The following RHOA variants were observed in gnomAD, a reference collection of about 807,000 sequenced individuals.
RHOA encodes the protein transforming protein RhoA.
A neutral mutation model predicts 17.5 loss-of-function variants in RHOA; 3 were observed. The observed-to-expected ratio is 0.17, with a 90% CI of 0.08 to 0.44. RHOA has a LOEUF of 0.44. Ranked by LOEUF, RHOA falls within the 20% of genes least tolerant of loss-of-function variation. The probability of loss-of-function intolerance (pLI) is 0.99; values close to 1 mark genes in which losing one functional copy is unlikely to be tolerated. For missense variants in RHOA, 56 were observed against 242.3 expected, an observed-to-expected ratio of 0.23 and a Z score of 5.10; for synonymous variants, 98 against 88.4, an observed-to-expected ratio of 1.11 and a Z score of -0.61.
At chr3:49,378,552 C>T (rs977907111) in intron 1 of RHOA, among the ~76,000 whole-genome samples, 3 of 151,794 alleles carry the variant, frequency 2.0e-5, no homozygotes, top group Non-Finnish European at 2.9e-5. Context: ...CATCTATCTA[C>T]GCATCTATCC....
At chr3:49,399,545 G>T (rs1302958393) in intron 1 of RHOA, among the ~76,000 whole-genome samples, 2 of 151,298 alleles carry the variant, frequency 1.3e-5, no homozygotes, top group Admixed American at 6.6e-5. Context: ...ACTGGTATAT[G>T]TATAGACTGT....
At chr3:49,398,434 C>T (rs2048655698) in intron 1 of RHOA, among the ~76,000 whole-genome samples, 1 of 151,580 alleles carries the variant, frequency 6.6e-6, no homozygotes, top group Non-Finnish European at 1.5e-5. Context: ...ATGGAGAATA[C>T]ATAAAAGGGG....
At chr3:49,398,319 C>CT (rs1026746710) in intron 1 of RHOA, among the ~76,000 whole-genome samples, 1 of 151,804 alleles carries the variant, frequency 6.6e-6, no homozygotes, top group African/African-American at 2.4e-5. Flanking sequence ...CACCACTGCA[C>CT]TCCACCCTGG....
intron 1 of RHOA, among the ~76,000 whole-genome samples, chr3:49,391,267 G>A (rs571260738): frequency 4.0e-5 from 6 of 149,708 alleles, no homozygotes; most frequent in East Asian, 3.9e-4. Flanking sequence ...TAGTACACAC[G>A]TGTAGTTCCA....
chr3:49,409,594 TC>T, intron 1 of RHOA, among the ~76,000 whole-genome samples: 1 of 152,214 alleles, frequency 6.6e-6, no homozygotes, highest in Admixed American at 6.5e-5. Flanking sequence ...CTCTCAGCTC[TC>T]TAAGACAATT....
At chr3:49,376,551 G>A (rs1197559916) in intron 1 of RHOA, among the ~76,000 whole-genome samples, 1 of 150,458 alleles carries the variant, frequency 6.6e-6, no homozygotes, top group African/African-American at 2.4e-5. Context: ...GCTGAGGCAG[G>A]AGAATGGCGT....
intron 3 of RHOA, among the ~76,000 whole-genome samples, chr3:49,363,385 A>G (rs923520186): frequency 6.6e-6 from 1 of 151,992 alleles, no homozygotes; most frequent in Non-Finnish European, 1.5e-5. Context: ...GCGCCACTGC[A>G]CTCCTGGGCG....
At chr3:49,385,216 C>T (rs571627616) in intron 1 of RHOA, among the ~76,000 whole-genome samples, 1 of 150,994 alleles carries the variant, frequency 6.6e-6, no homozygotes. Context: ...CCATTGCCCC[C>T]CTACCTTTTT....
chr3:49,362,415 G>A, intron 4 of RHOA, 81 bp downstream of exon 4: 2 of 1,452,982 alleles, frequency 1.4e-6, no homozygotes, highest in Non-Finnish European at 9.2e-7. Context: ...GCCTGTGAAG[G>A]TTCCTGCTGG....
intron 1 of RHOA, among the ~76,000 whole-genome samples, chr3:49,384,634 G>C (rs2048367678): frequency 6.6e-6 from 1 of 151,844 alleles, no homozygotes; most frequent in Non-Finnish European, 1.5e-5. Flanking sequence ...AGTCTCCCAA[G>C]TAGCTAGGAG....
At chr3:49,396,879 C>T (rs1345344185) in intron 1 of RHOA, among the ~76,000 whole-genome samples, 5 of 152,094 alleles carry the variant, frequency 3.3e-5, no homozygotes, top group Non-Finnish European at 2.9e-5. Flanking sequence ...CCTATAATCC[C>T]AGCACTTTGG....
At chr3:49,371,634 T>C (rs1054295627) in intron 2 of RHOA, among the ~76,000 whole-genome samples, 4 of 152,190 alleles carry the variant, frequency 2.6e-5, no homozygotes, top group African/African-American at 4.8e-5. Context: ...CTCTCCCATC[T>C]TGGGGACTCT....
intron 2 of RHOA, among the ~76,000 whole-genome samples, 159 bp from the exon 3 acceptor site, chr3:49,368,707 C>CTT (rs374609508): frequency 1.9e-3 from 251 of 130,300 alleles, no homozygotes; most frequent in Middle Eastern, 7.9e-3. Context: ...TTTCTTTTTT[C>CTT]TTTTTTTTTT....
rs369289782 is a variant in RHOA at position 49,407,857 on chromosome 3, CTAT to C, written c.-3+3960_-3+3962del. Among the ~76,000 whole-genome samples the C allele has an allele frequency of 9.7e-4, 147 of 152,188 alleles. 3 individuals carry two copies. In the South Asian group the frequency reaches 0.029, roughly 30 times the overall value. On this transcript the variant is annotated intron_variant, in intron 1 of 4. Coordinates refer to ENST00000418115, the MANE Select transcript of RHOA (RefSeq NM_001664.4). ...TTTCCCTTCACTTAAATTTAAGATA[CTAT>C]CATAAATATGCTTAAATATGGCCAG...
chr3:49,370,082 T>A (rs1441995434), intron 2 of RHOA, among the ~76,000 whole-genome samples: 10 of 142,012 alleles, frequency 7.0e-5, no homozygotes, highest in South Asian at 2.3e-4. Flanking sequence ...AAACTCCATT[T>A]AAAAAAAAAA....
At chr3:49,411,240 G>A (rs1257716555) in intron 1 of RHOA, among the ~76,000 whole-genome samples, 1 of 151,936 alleles carries the variant, frequency 6.6e-6, no homozygotes, top group Non-Finnish European at 1.5e-5. Flanking sequence ...TGGTATGGCC[G>A]TAGATCATAC....
chr3:49,390,052 C>T (rs1054035958), intron 1 of RHOA, among the ~76,000 whole-genome samples: 1 of 152,048 alleles, frequency 6.6e-6, no homozygotes, highest in Non-Finnish European at 1.5e-5. Context: ...AGGAGCCTTC[C>T]CCTCCTTTAT....
At chr3:49,378,170 TAAAAAAA>T (rs71627382) in intron 1 of RHOA, among the ~76,000 whole-genome samples, 1 of 90,450 alleles carries the variant, frequency 1.1e-5, no homozygotes, top group East Asian at 4.4e-4. Flanking sequence ...AACTGTGTCT[TAAAAAAA>T]AAAAAAAAAA....
rs112305186 is a variant in RHOA at position 49,394,978 on chromosome 3, G to T, written c.-3+16842C>A. Reference sequence around the variant, plus strand: ...ACACAAGAATTTGGCGGTCGGGCGCGGTGGCTCACGCTTGTAATCCCAGCA... The same window carrying T: ...ACACAAGAATTTGGCGGTCGGGCGCTGTGGCTCACGCTTGTAATCCCAGCA... On this transcript the variant is annotated intron_variant, in intron 1 of 4. Transcript: ENST00000418115. Among the ~76,000 whole-genome samples the T allele has an allele frequency of 2.0e-3, 305 of 152,096 alleles. 3 individuals are homozygous for T. Among genetic ancestry groups the T allele is most frequent in the African/African-American group, 7.0e-3 (290 of 41,524 alleles).
Sources: allele counts gnomAD v4.1 joint callset (sites outside exome capture counted in the v4.1 genomes callset), GRCh38; gene constraint gnomAD v4.1.1; transcripts MANE v1.5; gene names NCBI Gene and HGNC (gene_info 2026-07-23, HGNC 2026-07-21).